Variants in ARSG observed in about 807,000 individuals in gnomAD.
ARSG encodes the protein ASG.
A neutral mutation model predicts 50.5 loss-of-function variants in ARSG; 37 were observed. That is an observed-to-expected ratio of 0.73 (90% confidence interval 0.56 to 0.96). The LOEUF is 0.96. Ranked by LOEUF, ARSG falls within the 50% of genes least tolerant of loss-of-function variation. The probability of loss-of-function intolerance (pLI) is 0.00; values close to 1 mark genes in which losing one functional copy is unlikely to be tolerated. For synonymous variants in ARSG, 225 were observed against 254.6 expected (o/e 0.88, Z 1.11); for missense variants, 629 against 675.3 (o/e 0.93, Z 0.76).
chr17:68,308,233 G>T (rs2076684282), intron 2 of ARSG, among the ~76,000 whole-genome samples: 1 of 152,176 alleles, frequency 6.6e-6, no homozygotes, highest in Non-Finnish European at 1.5e-5. Context: ...TGGAATTGGT[G>T]GGTTCTTGGT....
At chr17:68,422,231 G>C (rs1305227709), downstream of ARSG, 4 of 171,412 alleles carry the variant, frequency 2.3e-5, no homozygotes, top group Non-Finnish European at 3.8e-5. Flanking sequence ...TTTGAGACCA[G>C]CCTGGCCAAC....
At chr17:68,348,964 T>C (rs1251733030) in intron 4 of ARSG, among the ~76,000 whole-genome samples, 1 of 152,086 alleles carries the variant, frequency 6.6e-6, no homozygotes, top group Non-Finnish European at 1.5e-5. Context: ...AGACCTGTGG[T>C]CCAAATCCAG....
At position 68,401,446 on chromosome 17, in the gene ARSG, T is replaced by C. The variant is rs375524367; in HGVS notation, c.1299T>C (p.Ile433=). 6.8e-6 allele frequency: 11 copies of C among 1,613,004 alleles called. No individual in the cohort carries two copies. Among genetic ancestry groups the C allele is most frequent in the African/African-American group, 2.7e-5 (2 of 74,896 alleles). Residue 433 remains isoleucine (I), a synonymous_variant, in exon 11 of 12, where the codon ATT becomes ATC. Coordinates refer to ENST00000621439, the MANE Select transcript of ARSG (RefSeq NM_001267727.2). ...VRLERYKAFY[I]TGGARACDGS... ...TGGAGCGTTACAAGGCCTTCTACAT[T>C]ACCGGTGAGTGAGGGGCCACTTAGC...
At chr17:68,417,719 A>G (rs111773782) in intron 11 of ARSG, among the ~76,000 whole-genome samples, 4 of 145,094 alleles carry the variant, frequency 2.8e-5, no homozygotes, top group Admixed American at 1.4e-4. Flanking sequence ...AAAAGACCTA[A>G]TAAGAGTTGC....
chr17:68,375,006 T>C (rs995758237), intron 8 of ARSG, among the ~76,000 whole-genome samples: 4 of 152,178 alleles, frequency 2.6e-5, no homozygotes, highest in African/African-American at 9.7e-5. Flanking sequence ...ACCTACTGTG[T>C]GCCAGGAACT....
At chr17:68,450,040 A>G in the ARSG span, among the ~76,000 whole-genome samples, 2 of 152,114 alleles carry the variant, frequency 1.3e-5, no homozygotes, top group Admixed American at 1.3e-4. Context: ...CAAAATGAAA[A>G]CCCAGCAATT....
the ARSG span, among the ~76,000 whole-genome samples, chr17:68,438,403 G>T: frequency 6.6e-6 from 1 of 152,322 alleles, no homozygotes; most frequent in East Asian, 1.9e-4. Context: ...TAGGCAGGCA[G>T]AAGGGATTCT....
chr17:68,347,371 ACTGT>A (rs1308437626), intron 4 of ARSG, among the ~76,000 whole-genome samples, 199 bp downstream of exon 4: 1 of 151,994 alleles, frequency 6.6e-6, no homozygotes, highest in Non-Finnish European at 1.5e-5. Flanking sequence ...ATCTTCCTTG[ACTGT>A]CCTTCCTTGG....
chr17:68,378,046 T>C lies in ARSG; in HGVS notation c.983-7018T>C, dbSNP rs914411470. Among the ~76,000 whole-genome samples the C allele has an allele frequency of 6.6e-6, 1 of 152,194 alleles. No homozygotes were observed. The highest frequency in any genetic ancestry group is 6.5e-5 in the Admixed American group (1 of 15,282). On this transcript the variant is annotated intron_variant, in intron 8 of 11. Coordinates refer to ENST00000621439, the MANE Select transcript of ARSG (RefSeq NM_001267727.2). The surrounding 1 kb of genome is among the most constrained non-coding windows in gnomAD (Gnocchi z 4.4). ...TCAACTAACTATTCCACAGCCTCCT[T>C]CTTCCTCTCTGCCTGGAATGCTGCT... is the stretch of plus-strand genomic sequence containing the variant.
At chr17:68,375,064 G>A (rs1289311273) in intron 8 of ARSG, among the ~76,000 whole-genome samples, 1 of 152,110 alleles carries the variant, frequency 6.6e-6, no homozygotes, top group Non-Finnish European at 1.5e-5. Context: ...CAGCCGCAAG[G>A]AATAATAGTC....
At chr17:68,428,784 C>T in the ARSG span, 111 of 1,477,200 alleles carry the variant, frequency 7.5e-5, no homozygotes, top group Admixed American at 6.8e-5. Flanking sequence ...CAACTCTACA[C>T]GACCAGCTCT....
chr17:68,434,729 T>C, the ARSG span: 1 of 1,178,664 alleles, frequency 8.5e-7, no homozygotes, highest in African/African-American at 1.5e-5. Flanking sequence ...CATCTGTCTC[T>C]GAGGAGGAAG....
At chr17:68,411,353 C>A (rs2081987257) in intron 11 of ARSG, among the ~76,000 whole-genome samples, 1 of 151,876 alleles carries the variant, frequency 6.6e-6, no homozygotes, top group Non-Finnish European at 1.5e-5. Context: ...CAAAGAACAT[C>A]TTTATTTCTG....
At chr17:68,285,010 T>C (rs2145160076) in intron 1 of ARSG, among the ~76,000 whole-genome samples, 2 of 152,342 alleles carry the variant, frequency 1.3e-5, no homozygotes, top group East Asian at 3.9e-4. Flanking sequence ...AGGTCCTCGC[T>C]TTCACTATAG....
chr17:68,391,956 A>G (rs1395932321), intron 9 of ARSG, among the ~76,000 whole-genome samples: 1 of 152,110 alleles, frequency 6.6e-6, no homozygotes, highest in Non-Finnish European at 1.5e-5. Context: ...TGGAGAGGAG[A>G]AGGAGATGGC....
At chr17:68,368,770 TA>T (rs2079675943) in intron 7 of ARSG, 26 bp downstream of exon 7, 1 of 1,607,110 alleles carries the variant, frequency 6.2e-7, no homozygotes, top group South Asian at 1.1e-5. Context: ...CCAGCCAGCC[TA>T]ACTGCCATTT....
At chr17:68,449,648 C>T in the ARSG span, among the ~76,000 whole-genome samples, 1 of 152,206 alleles carries the variant, frequency 6.6e-6, no homozygotes, top group Non-Finnish European at 1.5e-5. Context: ...GCTCCTGCCA[C>T]GTAAGACGCC....
At chr17:68,322,059 T>G (rs890503998) in intron 2 of ARSG, among the ~76,000 whole-genome samples, 2 of 152,190 alleles carry the variant, frequency 1.3e-5, no homozygotes, top group Admixed American at 1.3e-4. Context: ...GAAACGAGAT[T>G]GTTTCTGAGA....
chr17:68,350,995 T>C (rs2078735856), intron 4 of ARSG, among the ~76,000 whole-genome samples: 1 of 152,034 alleles, frequency 6.6e-6, no homozygotes, highest in Non-Finnish European at 1.5e-5. Flanking sequence ...GGCAGTATCT[T>C]TCAAGGCGCA....
Sources: allele counts gnomAD v4.1 joint callset (sites outside exome capture counted in the v4.1 genomes callset), GRCh38; gene constraint gnomAD v4.1.1; non-coding constraint Gnocchi (gnomAD v3.1); transcripts MANE v1.5; gene names NCBI Gene and HGNC (gene_info 2026-07-23, HGNC 2026-07-21).